PCDHGA4: variants seen among roughly 807,000 people sequenced by gnomAD.
PCDHGA4 encodes the protein protocadherin gamma subfamily A, 4, also known as protocadherin gamma-A4.
A neutral mutation model predicts 54.6 loss-of-function variants in PCDHGA4; 38 were observed. The ratio of observed to expected loss-of-function variants is 0.70; its 90% confidence interval spans 0.54 to 0.91. The LOEUF is 0.91. PCDHGA4 is among the 40% of genes least tolerant of loss of function. The probability of loss-of-function intolerance (pLI) is 0.00; values close to 1 mark genes in which losing one functional copy is unlikely to be tolerated. For synonymous variants in PCDHGA4, 511 were observed against 512.9 expected, an observed-to-expected ratio of 1.00 and a Z score of 0.05; for missense variants, 1,298 against 1,220.9, an observed-to-expected ratio of 1.06 and a Z score of -0.94.
chr5:141,418,339 T>G (rs779598961), intron 1 of PCDHGA4: 2 of 1,614,012 alleles, frequency 1.2e-6, no homozygotes, highest in Non-Finnish European at 1.7e-6. Context: ...CAGAAGATCC[T>G]GATATTAGTA....
chr5:141,404,133 T>C, intron 1 of PCDHGA4: 1 of 1,613,108 alleles, frequency 6.2e-7, no homozygotes, highest in Non-Finnish European at 8.5e-7. Flanking sequence ...TCTTTTACAT[T>C]AGAAAATTCA....
At position 141,355,454 on chromosome 5, in the gene PCDHGA4, T is replaced by C. The variant is rs747114366; in HGVS notation, c.347T>C (p.Val116Ala). ...FALNPRSGTLVTAGRIDREEL... is the reference protein window; with the variant it reads ...FALNPRSGTLATAGRIDREEL... ...CTGAACCCGCGCAGCGGCACCTTGGTCACCGCGGGTAGGATAGACAGGGAG... is the reference window on the plus strand; with the variant it reads ...CTGAACCCGCGCAGCGGCACCTTGGCCACCGCGGGTAGGATAGACAGGGAG... Residue 116 changes from valine (V) to alanine (A), a missense_variant, in exon 1 of 4, where the codon GTC (valine) becomes GCC (alanine). Val to Ala is a moderately conservative substitution (Grantham distance 64). Transcript: ENST00000571252. 62 of 1,614,066 alleles carry C rather than the reference T, an allele frequency of 3.8e-5. No homozygotes were observed. Among genetic ancestry groups the C allele is most frequent in the Non-Finnish European group, 4.7e-5 (55 of 1,179,914 alleles).
At position 141,467,151 on chromosome 5, in the gene PCDHGA4, C is replaced by T. The variant is rs527879624; in HGVS notation, c.2515-27656C>T. ...CACTGCAACCTCTGCCTCCCAGGTT[C>T]AAGTGATTCTCATCTCTCAGCCTCC... is the stretch of plus-strand genomic sequence containing the variant. On this transcript the variant is annotated intron_variant, in intron 1 of 3. Transcript: ENST00000571252. Among the ~76,000 whole-genome samples the T allele has an allele frequency of 4.0e-5, 6 of 151,660 alleles. No homozygotes were observed. In the East Asian group the frequency reaches 7.8e-4, roughly 20 times the overall value.
intron 1 of PCDHGA4, among the ~76,000 whole-genome samples, chr5:141,448,316 T>C (rs1042171540): frequency 6.6e-6 from 1 of 152,174 alleles, no homozygotes; most frequent in Non-Finnish European, 1.5e-5. Flanking sequence ...AGGAATCTTT[T>C]CTTTGAATCT....
At chr5:141,446,129 A>C (rs1488078150) in intron 1 of PCDHGA4, among the ~76,000 whole-genome samples, 1 of 152,204 alleles carries the variant, frequency 6.6e-6, no homozygotes, top group Non-Finnish European at 1.5e-5. Flanking sequence ...GTTCAATAAG[A>C]CTTAATAATG....
chr5:141,483,435 A>G (rs2099581280), intron 1 of PCDHGA4, among the ~76,000 whole-genome samples: 1 of 152,180 alleles, frequency 6.6e-6, no homozygotes, highest in Admixed American at 6.5e-5. Context: ...GGAGCTGACT[A>G]CAATAAAATC....
At chr5:141,375,200 G>A (rs755732164) in intron 1 of PCDHGA4, 3 of 1,613,940 alleles carry the variant, frequency 1.9e-6, no homozygotes, top group South Asian at 1.1e-5. Context: ...TCAAGTGTTC[G>A]ATCGAGACTC....
rs767577725 is a variant in PCDHGA4 at position 141,485,642 on chromosome 5, G to T, written c.2515-9165G>T. 4.3e-6 allele frequency: 7 copies of T among 1,612,162 alleles called. No homozygotes were observed. The highest frequency in any genetic ancestry group is 1.7e-5 in the Admixed American group (1 of 59,938). ...AGGACAGCGTTTCCCGTTGGAAAAGGCTCAGGATGCAGATGTGGGGAGCAA... is the reference window on the plus strand; with the variant it reads ...AGGACAGCGTTTCCCGTTGGAAAAGTCTCAGGATGCAGATGTGGGGAGCAA... On this transcript the variant is annotated intron_variant, in intron 1 of 3. Coordinates refer to ENST00000571252, the MANE Select transcript of PCDHGA4 (RefSeq NM_018917.4). This position sits in a 1 kb window ranked among gnomAD's most constrained non-coding sequence, Gnocchi z 5.7.
chr5:141,422,838 C>G, intron 1 of PCDHGA4: 3 of 1,614,252 alleles, frequency 1.9e-6, no homozygotes, highest in African/African-American at 2.7e-5. Flanking sequence ...TAGCACGTGA[C>G]AGCGGGGACC....
chr5:141,449,066 A>G (rs1234801725), intron 1 of PCDHGA4, among the ~76,000 whole-genome samples: 3 of 152,188 alleles, frequency 2.0e-5, no homozygotes, highest in African/African-American at 4.8e-5. Context: ...GCGCTATTGA[A>G]TAGCCCTGTA....
intron 1 of PCDHGA4, chr5:141,364,780 A>C (rs1217288326): frequency 6.2e-7 from 1 of 1,614,006 alleles, no homozygotes; most frequent in Non-Finnish European, 8.5e-7. Flanking sequence ...CTGCAGGGAC[A>C]CGGTTAGTGC....
At chr5:141,371,942 G>T (rs902262957) in intron 1 of PCDHGA4, 1 of 1,613,292 alleles carries the variant, frequency 6.2e-7, no homozygotes, top group Non-Finnish European at 8.5e-7. Context: ...TGGTGTTCGC[G>T]CAGCGAGCCT....
chr5:141,371,221 A>G, intron 1 of PCDHGA4: 1 of 1,614,064 alleles, frequency 6.2e-7, no homozygotes, highest in Non-Finnish European at 8.5e-7. Context: ...ATCAATGCCG[A>G]AATCATCTAT....
intron 1 of PCDHGA4, among the ~76,000 whole-genome samples, chr5:141,381,590 A>G (rs1588902211): frequency 6.6e-6 from 1 of 152,194 alleles, no homozygotes; most frequent in South Asian, 2.1e-4. Context: ...TCCATTATCC[A>G]GTTTCTTATG....
At position 141,490,543 on chromosome 5, in the gene PCDHGA4, C is replaced by T; in HGVS notation, c.2515-4264C>T. 2 of 1,614,188 alleles carry T rather than the reference C, an allele frequency of 1.2e-6. No homozygotes were observed. Among genetic ancestry groups the T allele is most frequent in the Non-Finnish European group, 8.5e-7 (1 of 1,180,024 alleles). On this transcript the variant is annotated intron_variant, in intron 1 of 3. Transcript: ENST00000571252. The surrounding 1 kb of genome is among the most constrained non-coding windows in gnomAD (Gnocchi z 5.4). ...CAGCGATGCTGGTTCACCTTCCCTA[C>T]ACAAACATCTCACCATCAGGCTCAA...
intron 2 of PCDHGA4, among the ~76,000 whole-genome samples, chr5:141,497,880 T>C (rs2099780200): frequency 6.6e-6 from 1 of 152,170 alleles, no homozygotes; most frequent in Non-Finnish European, 1.5e-5. Context: ...GAAATAAGCG[T>C]TAGGATCTAG....
chr5:141,357,456 C>T lies in PCDHGA4; in HGVS notation c.2349C>T (p.Thr783=). 1 of 1,614,204 alleles carries T rather than the reference C, an allele frequency of 6.2e-7. No individual in the cohort carries two copies. The highest frequency in any genetic ancestry group is 2.2e-5 in the East Asian group (1 of 44,880). ...GVDGVRAFLQ[T]YSHEVSLTAD... ...ACGGGGTTCGGGCTTTCCTGCAGAC[C>T]TATTCCCACGAGGTCTCCCTCACCG... The change falls in exon 1 of 4, where the codon ACC becomes ACT. Residue 783 remains threonine (T), a synonymous_variant. Transcript: ENST00000571252.
chr5:141,415,078 GC>G (rs2095826068), intron 1 of PCDHGA4: 1 of 1,613,376 alleles, frequency 6.2e-7, no homozygotes, highest in Non-Finnish European at 8.5e-7. Flanking sequence ...CACGGCGCGA[GC>G]CCTGCTGGAC....
chr5:141,393,934 A>G, intron 1 of PCDHGA4: 3 of 1,613,984 alleles, frequency 1.9e-6, no homozygotes, highest in Non-Finnish European at 2.5e-6. Context: ...GTGCATGACC[A>G]AGACTCTGGA....
Sources: allele counts gnomAD v4.1 joint callset (sites outside exome capture counted in the v4.1 genomes callset), GRCh38; gene constraint gnomAD v4.1.1; non-coding constraint Gnocchi (gnomAD v3.1); transcripts MANE v1.5; gene names NCBI Gene and HGNC (gene_info 2026-07-23, HGNC 2026-07-21).